The following SLF2 variants were observed in gnomAD, a reference collection of about 807,000 sequenced individuals.
SLF2 encodes SMC5-SMC6 complex localization factor protein 2.
In SLF2, 68 loss-of-function variants were observed where a neutral mutation model predicts 124.3. The ratio of observed to expected loss-of-function variants is 0.55; its 90% confidence interval spans 0.45 to 0.67. The LOEUF is 0.67. SLF2 is among the 30% of genes least tolerant of loss of function. SLF2 has a pLI of 0.00. For synonymous variants in SLF2, 480 were observed against 478.8 expected (o/e 1.00, Z -0.03); for missense variants, 1,246 against 1,373.7 (o/e 0.91, Z 1.47).
rs760823060 is a variant in SLF2, at chr10:100,917,021, C to T, written c.636C>T (p.Ser212=). 1 of 1,614,162 alleles carries T rather than the reference C, an allele frequency of 6.2e-7. No homozygotes were observed. The highest frequency in any genetic ancestry group is 1.1e-5 in the South Asian group (1 of 91,082). ...TVAEADIFNN[S]SRSLSSRSSL... ...CAGAAGCTGACATCTTCAATAACAG[C>T]TCCAGAAGCCTTAGCAGCAGGAGCA... The change falls in exon 3 of 20, where the codon AGC becomes AGT. Residue 212 remains serine, a synonymous_variant. Coordinates refer to ENST00000238961, the MANE Select transcript of SLF2 (RefSeq NM_018121.4).
Position 100,962,050 on chromosome 10 carries a change from G to C in SLF2, c.*138G>C, listed in dbSNP as rs1850435429. 4.1e-6 allele frequency: 3 copies of C among 740,240 alleles called. No individual in the cohort carries two copies. The South Asian group carries it at 6.8e-5, about 17-fold the overall frequency. The allele number at this position is 740,240 out of a possible 1,614,324, so 45.9% of individuals were successfully genotyped here. On this transcript the variant is annotated 3_prime_UTR_variant, in exon 20 of 20. Transcript: ENST00000238961. Reference sequence around the variant, plus strand: ...AATGTGCCACTTGAATATCTAGTATGAAGCTGGTAATGAAGAAATTGCCAT... The same window carrying C: ...AATGTGCCACTTGAATATCTAGTATCAAGCTGGTAATGAAGAAATTGCCAT...
intron 9 of SLF2, among the ~76,000 whole-genome samples, chr10:100,931,946 T>TG (rs1393254993): frequency 1.3e-5 from 2 of 151,924 alleles, no homozygotes; most frequent in African/African-American, 4.8e-5. Flanking sequence ...GAGCCAAGAT[T>TG]GCTCCATTGT....
At position 100,924,835 on chromosome 10, in the gene SLF2, C is replaced by G; in HGVS notation, c.1834C>G (p.Leu612Val). Residue 612 changes from leucine to valine, a missense_variant, in exon 5 of 20, where the codon CTA (leucine) becomes GTA (valine). Coordinates refer to ENST00000238961, the MANE Select transcript of SLF2 (RefSeq NM_018121.4). Reference protein sequence around the residue: ...DSDEESLGYNLDSDEEEETLK... With the variant: ...DSDEESLGYNVDSDEEEETLK... ...TGATGAAGAAAGTTTAGGTTACAAC[C>G]TAGACAGTGATGAGGAAGAGGAAAC... 6.2e-7 allele frequency: 1 copy of G among 1,614,128 alleles called. No individual in the cohort carries two copies.
In SLF2 at chr10:100,924,824, T is replaced by G; in HGVS notation, c.1823T>G (p.Leu608Ter). 6.2e-7 allele frequency: 1 copy of G among 1,614,202 alleles called. No individual in the cohort carries two copies. Among genetic ancestry groups the G allele is most frequent in the Non-Finnish European group, 8.5e-7 (1 of 1,180,026 alleles). The change falls in exon 5 of 20, where the codon TTA (leucine) becomes TGA (stop). Residue 608 changes from leucine to a stop codon, truncating the protein, a stop_gained. Coordinates refer to ENST00000238961, the MANE Select transcript of SLF2 (RefSeq NM_018121.4). LOFTEE classifies it high-confidence loss of function. ...GATTTTGATAGTGATGAAGAAAGTT[T>G]AGGTTACAACCTAGACAGTGATGAG... ...RGDFDSDEESLGYNLDSDEEE... is the reference protein window; with the variant it reads ...RGDFDSDEES
intron 17 of SLF2, among the ~76,000 whole-genome samples, chr10:100,953,543 G>A (rs905025055): frequency 5.3e-5 from 8 of 151,260 alleles, no homozygotes; most frequent in Non-Finnish European, 1.0e-4. Flanking sequence ...GTGCCCTCCT[G>A]TAAATTTCTT....
In SLF2 at chr10:100,913,004, C is replaced by T. The variant is rs1370439975; in HGVS notation, c.-107C>T. 1.2e-5 allele frequency: 15 copies of T among 1,259,148 alleles called. No individual in the cohort carries two copies. Among genetic ancestry groups the T allele is most frequent in the Admixed American group, 6.6e-5 (3 of 45,498 alleles). 78.0% of individuals were successfully genotyped at this position (1,259,148 alleles called of 1,614,324 possible). A position where few individuals can be genotyped will look rare whatever the true frequency, so the allele number is the denominator to read the frequency against. On this transcript the variant is annotated 5_prime_UTR_variant, in exon 1 of 20. Coordinates refer to ENST00000238961, the MANE Select transcript of SLF2 (RefSeq NM_018121.4). ...CCGCCATGAAGAGAGAAGGGGGTGCCGCCCACCTCTGCTCCGACAGCCTCC... is the reference window on the plus strand; with the variant it reads ...CCGCCATGAAGAGAGAAGGGGGTGCTGCCCACCTCTGCTCCGACAGCCTCC...
intron 9 of SLF2, 102 bp downstream of exon 9, chr10:100,931,180 A>G (rs1849727948): frequency 2.4e-6 from 2 of 845,774 alleles, no homozygotes; most frequent in Non-Finnish European, 3.8e-6. Flanking sequence ...GAAAAAATTA[A>G]TGTAGCACAT....
At chr10:100,956,381 G>C in intron 17 of SLF2, 70 bp from the exon 18 acceptor site, 1 of 1,080,616 alleles carries the variant, frequency 9.3e-7, no homozygotes, top group Non-Finnish European at 1.4e-6. Context: ...AGTTGTTCTA[G>C]CTGCATAATT....
intron 14 of SLF2, 125 bp from the exon 15 acceptor site, chr10:100,947,635 C>A: frequency 1.6e-6 from 1 of 617,176 alleles, no homozygotes; most frequent in Non-Finnish European, 2.8e-6. Flanking sequence ...TGTTCCTGTA[C>A]AGACTTCTCT....
intron 9 of SLF2, among the ~76,000 whole-genome samples, chr10:100,931,772 T>C (rs1011210383): frequency 6.6e-5 from 10 of 152,074 alleles, no homozygotes; most frequent in Admixed American, 6.6e-5. Context: ...GGCAGGTGGA[T>C]CATGAGGTCA....
chr10:100,924,518 C>A lies in SLF2; in HGVS notation c.1517C>A (p.Ser506Tyr). 6.2e-7 allele frequency: 1 copy of A among 1,614,096 alleles called. No homozygotes were observed. The highest frequency in any genetic ancestry group is 8.5e-7 in the Non-Finnish European group (1 of 1,180,034). The part of the protein sequence containing the change: ...LPVSKKDKER[S>Y]SSKECSGHST... ...GTTTCTAAAAAAGATAAAGAGCGTT[C>A]CTCATCTAAAGAATGTTCTGGGCAT... Residue 506 changes from serine (S) to tyrosine (Y), a missense_variant, in exon 5 of 20, where the codon TCC becomes TAC. Physicochemically the swap from Ser to Tyr is moderately radical, Grantham distance 144. Coordinates refer to ENST00000238961, the MANE Select transcript of SLF2 (RefSeq NM_018121.4).
In SLF2 at chr10:100,919,105, G is replaced by A. The variant is rs566448075; in HGVS notation, c.973+664G>A. Among the ~76,000 whole-genome samples, 18 of 138,626 alleles carry A rather than the reference G, an allele frequency of 1.3e-4. No homozygotes were observed. The South Asian group carries it at 1.7e-3, about 13-fold the overall frequency. The allele number at this position is 138,626 out of a possible 152,430, so 90.9% of individuals were successfully genotyped here. On this transcript the variant is annotated intron_variant, in intron 4 of 19. Transcript: ENST00000238961. ...TGGCTCATTGCAAGCTCCGCCTCCCGGGTTCACACCATTCTCCTGCCTCAG... is the reference window on the plus strand; with the variant it reads ...TGGCTCATTGCAAGCTCCGCCTCCCAGGTTCACACCATTCTCCTGCCTCAG...
chr10:100,926,250 G>T, intron 6 of SLF2: 3 of 1,522,232 alleles, frequency 2.0e-6, no homozygotes, highest in East Asian at 2.5e-5. Flanking sequence ...TCAAGGCTGC[G>T]GTGAGTCGTG....
At chr10:100,932,960 C>T (rs1394866488) in intron 9 of SLF2, among the ~76,000 whole-genome samples, 1 of 152,142 alleles carries the variant, frequency 6.6e-6, no homozygotes, top group East Asian at 1.9e-4. Context: ...TGGACACATG[C>T]TCCAGATAAG....
At chr10:100,961,733 A>G (rs1347522706) in intron 19 of SLF2, 144 bp from the exon 20 acceptor site, 17 of 632,146 alleles carry the variant, frequency 2.7e-5, no homozygotes, top group Admixed American at 6.4e-5. Flanking sequence ...TCTGATTACC[A>G]TAAATTTTCA....
Position 100,963,020 on chromosome 10 carries a change from C to G in SLF2, c.*1108C>G, listed in dbSNP as rs975119054. On this transcript the variant is annotated 3_prime_UTR_variant, in exon 20 of 20. Transcript: ENST00000238961. ...GGGGTAGTAACAAACTCTTACTAGC[C>G]AACTAGAAAATTATTTTGTTGACGA... 3.3e-5 allele frequency: 5 copies of G among 152,534 alleles called. No individual in the cohort carries two copies. Among genetic ancestry groups the G allele is most frequent in the African/African-American group, 1.2e-4 (5 of 41,404 alleles). The allele number at this position is 152,534 out of a possible 1,614,324, so 9.4% of individuals were successfully genotyped here.
intron 4 of SLF2, among the ~76,000 whole-genome samples, chr10:100,922,479 ACAGG>A (rs2133762920): frequency 6.6e-6 from 1 of 152,342 alleles, no homozygotes; most frequent in African/African-American, 2.4e-5. Flanking sequence ...TTGTGGTATT[ACAGG>A]CATGAGCCAC....
In SLF2 at chr10:100,916,906, G is replaced by A. The variant is rs1225234541; in HGVS notation, c.521G>A (p.Arg174Lys). ...LKKKHRSPER[R>K]KSLFIHENNE... ...AAAAAACATCGATCCCCAGAGAGAA[G>A]GAAGTCACTATTCATTCATGAAAAT... is the stretch of plus-strand genomic sequence containing the variant. Residue 174 changes from arginine (R) to lysine (K), a missense_variant, in exon 3 of 20, where the codon AGG (arginine) becomes AAG (lysine). Arg to Lys is a conservative substitution (Grantham distance 26, BLOSUM62 2). This residue lies in a region of SLF2 where 698 missense variants were observed against 708.9 expected (regional missense o/e 0.98). Transcript: ENST00000238961. 1 of 1,614,058 alleles carries A rather than the reference G, an allele frequency of 6.2e-7. No homozygotes were observed. Among genetic ancestry groups the A allele is most frequent in the Non-Finnish European group, 8.5e-7 (1 of 1,180,040 alleles).
chr10:100,922,995 C>CGA (rs1245523178), intron 4 of SLF2, among the ~76,000 whole-genome samples: 1 of 151,998 alleles, frequency 6.6e-6, no homozygotes, highest in Non-Finnish European at 1.5e-5. Flanking sequence ...AGGCTGGTCT[C>CGA]AAACTCCTGA....
Sources: allele counts gnomAD v4.1 joint callset (sites outside exome capture counted in the v4.1 genomes callset), GRCh38; gene constraint gnomAD v4.1.1; regional missense constraint gnomAD v4.1.1; transcripts MANE v1.5; gene names NCBI Gene and HGNC (gene_info 2026-07-23, HGNC 2026-07-21).